RPS6KA6: variants seen among roughly 807,000 people sequenced by gnomAD.
RPS6KA6 encodes the protein ribosomal protein S6 kinase alpha-6.
Under a neutral mutation model 65.4 loss-of-function variants are expected in RPS6KA6, and 27 were observed. The observed-to-expected ratio is 0.41, with a 90% CI of 0.30 to 0.57. The LOEUF (loss-of-function observed/expected upper bound fraction) is 0.57. RPS6KA6 is among the 20% of genes least tolerant of loss of function. The pLI, the probability that RPS6KA6 is intolerant of heterozygous loss-of-function variation, is 0.24. For missense variants in RPS6KA6, 486 were observed against 555.6 expected, an observed-to-expected ratio of 0.87 and a Z score of 1.26; for synonymous variants, 190 against 184.2, an observed-to-expected ratio of 1.03 and a Z score of -0.26.
chrX:84,122,338 G>A (rs1430110584), intron 8 of RPS6KA6, among the ~76,000 whole-genome samples: 1 of 105,133 alleles, frequency 9.5e-6, no homozygotes, highest in African/African-American at 3.5e-5. Flanking sequence ...ACATATGGAG[G>A]AAGCTTTTGT....
intron 20 of RPS6KA6, among the ~76,000 whole-genome samples, chrX:84,083,337 G>A (rs1318665700): frequency 1.8e-5 from 2 of 112,613 alleles, no homozygotes; most frequent in Non-Finnish European, 3.8e-5. Flanking sequence ...CGTCACTTAG[G>A]TATTAAGCCC....
chrX:84,174,178 T>C (rs1281508928), intron 1 of RPS6KA6, among the ~76,000 whole-genome samples: 2 of 111,906 alleles, frequency 1.8e-5, no homozygotes, highest in Non-Finnish European at 3.8e-5. Flanking sequence ...ATATCTATGG[T>C]CATTTCCCCA....
At chrX:84,175,698 T>C (rs1320604575) in intron 1 of RPS6KA6, among the ~76,000 whole-genome samples, 1 of 111,638 alleles carries the variant, frequency 9.0e-6, no homozygotes, top group Non-Finnish European at 1.9e-5. Context: ...AATTAAAACA[T>C]TAACAACCAA....
At chrX:84,066,067 C>A (rs969463489) in intron 20 of RPS6KA6, among the ~76,000 whole-genome samples, 1 of 111,373 alleles carries the variant, frequency 9.0e-6, no homozygotes, top group African/African-American at 3.3e-5. Context: ...ACTGTGCTAC[C>A]CAGCCCAGAT....
chrX:84,154,030 T>C (rs913982799), intron 3 of RPS6KA6, among the ~76,000 whole-genome samples: 2 of 111,954 alleles, frequency 1.8e-5, no homozygotes, highest in African/African-American at 3.2e-5. Flanking sequence ...TATTTCATTA[T>C]GTTATACAGT....
chrX:84,125,771 G>A (rs5922017), intron 8 of RPS6KA6, among the ~76,000 whole-genome samples: 60,022 of 109,102 alleles, frequency 0.55, 13,640 homozygotes, highest in Non-Finnish European at 0.71. Context: ...GGAGAATGGC[G>A]TGAACCCGGG....
intron 20 of RPS6KA6, among the ~76,000 whole-genome samples, chrX:84,094,262 C>A (rs940185960): frequency 3.9e-5 from 4 of 103,004 alleles, no homozygotes; most frequent in African/African-American, 1.4e-4. Flanking sequence ...ACATTTCCAG[C>A]CTTAAGTCAG....
chrX:84,172,198 C>A (rs778876854), intron 1 of RPS6KA6, among the ~76,000 whole-genome samples: 2 of 111,948 alleles, frequency 1.8e-5, no homozygotes, highest in East Asian at 5.6e-4. Context: ...CTGCAATAAA[C>A]ATACGTGTGC....
intron 3 of RPS6KA6, among the ~76,000 whole-genome samples, chrX:84,149,379 T>C (rs954762581): frequency 8.9e-6 from 1 of 112,168 alleles, no homozygotes; most frequent in African/African-American, 3.2e-5. Context: ...TAGCAAGTCC[T>C]TTCCAGAGGT....
intron 8 of RPS6KA6, among the ~76,000 whole-genome samples, chrX:84,128,924 A>G (rs2147498539): frequency 8.9e-6 from 1 of 112,205 alleles, no homozygotes; most frequent in South Asian, 3.6e-4. Context: ...TTGCCAGCAT[A>G]TTGGACTGGG....
chrX:84,084,844 T>TG (rs2033882499), intron 20 of RPS6KA6, among the ~76,000 whole-genome samples: 1 of 112,205 alleles, frequency 8.9e-6, no homozygotes, highest in Non-Finnish European at 1.9e-5. Context: ...ACAATGAGCA[T>TG]GGGACGTTTT....
chrX:84,170,101 A>T (rs1405604993), intron 1 of RPS6KA6, among the ~76,000 whole-genome samples: 1 of 96,731 alleles, frequency 1.0e-5, no homozygotes, highest in Non-Finnish European at 2.0e-5. Context: ...CAGGAGGTGG[A>T]GGTTTCAGTG....
chrX:84,187,762 G>T, intron 1 of RPS6KA6, 57 bp downstream of exon 1: 1 of 1,100,376 alleles, frequency 9.1e-7, no homozygotes, highest in Non-Finnish European at 1.2e-6. Flanking sequence ...CCCAGCCAAG[G>T]TCTTGAGGGG....
chrX:84,163,645 C>CAAAA (rs1184307765), intron 2 of RPS6KA6, among the ~76,000 whole-genome samples: 3 of 46,980 alleles, frequency 6.4e-5, no homozygotes, highest in Non-Finnish European at 7.4e-5. Context: ...GACTCCGTCT[C>CAAAA]AAAAAAAAAA....
At chrX:84,117,644 T>C (rs950391680) in intron 9 of RPS6KA6, among the ~76,000 whole-genome samples, 190 bp from the exon 10 acceptor site, 3 of 111,016 alleles carry the variant, frequency 2.7e-5, no homozygotes, top group Non-Finnish European at 5.7e-5. Context: ...TCTCTCTCTC[T>C]ATATATATAG....
intron 3 of RPS6KA6, among the ~76,000 whole-genome samples, chrX:84,152,960 T>C (rs912791198): frequency 5.4e-5 from 6 of 111,568 alleles, no homozygotes; most frequent in Non-Finnish European, 9.4e-5. Context: ...AATCCAATCA[T>C]GGGAAATTGT....
chrX:84,122,361 GTTTTTTTTT>G (rs35459607), intron 8 of RPS6KA6, among the ~76,000 whole-genome samples: 2 of 43,009 alleles, frequency 4.7e-5, no homozygotes, highest in African/African-American at 8.5e-5. Context: ...TTTTTTTTAA[GTTTTTTTTT>G]TTTTTTTTTT....
In RPS6KA6 at chrX:84,104,765, T is replaced by C. The variant is rs2034324362; in HGVS notation, c.1456-108A>G. ...CTTTCTACTAGACTTCCCTCTAGTATTAGAAACAAAAAAGACATTATTCCT... is the reference window on the plus strand; with the variant it reads ...CTTTCTACTAGACTTCCCTCTAGTACTAGAAACAAAAAAGACATTATTCCT... On this transcript the variant is annotated intron_variant, in intron 16 of 21. Coordinates refer to ENST00000262752, the MANE Select transcript of RPS6KA6 (RefSeq NM_014496.5). The C allele has an allele frequency of 8.1e-6, 4 of 492,971 alleles. No individual in the cohort carries two copies. The South Asian group carries it at 2.6e-4, about 32-fold the overall frequency. 40.6% of individuals were successfully genotyped at this position (492,971 alleles called of 1,213,427 possible).
At chrX:84,162,095 T>C (rs1396781479) in intron 2 of RPS6KA6, among the ~76,000 whole-genome samples, 1 of 111,104 alleles carries the variant, frequency 9.0e-6, no homozygotes, top group African/African-American at 3.3e-5. Flanking sequence ...AAACTTTTTC[T>C]AACCTTGACA....
Sources: allele counts gnomAD v4.1 joint callset (sites outside exome capture counted in the v4.1 genomes callset), GRCh38; gene constraint gnomAD v4.1.1; transcripts MANE v1.5; gene names NCBI Gene and HGNC (gene_info 2026-07-23, HGNC 2026-07-21).